Variants in FGL1 observed in about 807,000 individuals in gnomAD.
FGL1 encodes the protein fibrinogen-like protein 1.
FGL1 carries 59 observed loss-of-function variants against 43.7 expected under a neutral mutation model. That is an observed-to-expected ratio of 1.35 (90% CI 1.10 to 1.68). FGL1 has a LOEUF of 1.68. Ranked by LOEUF, FGL1 falls within the 40% of genes most tolerant of loss-of-function variation. The probability of loss-of-function intolerance (pLI) is 0.00; values close to 1 mark genes in which losing one functional copy is unlikely to be tolerated. For synonymous variants in FGL1, 192 were observed against 126.5 expected, an observed-to-expected ratio of 1.52 and a Z score of -3.48; for missense variants, 596 against 373.0, an observed-to-expected ratio of 1.60 and a Z score of -4.92.
At chr8:17,892,358 T>C (rs1259228600) in intron 1 of FGL1, among the ~76,000 whole-genome samples, 2 of 151,940 alleles carry the variant, frequency 1.3e-5, no homozygotes, top group Admixed American at 1.3e-4. Context: ...ATTTAAAAAA[T>C]ATAAAGAGAT....
chr8:17,877,211 G>A (rs1389319494), intron 3 of FGL1, among the ~76,000 whole-genome samples: 1 of 152,080 alleles, frequency 6.6e-6, no homozygotes, highest in Non-Finnish European at 1.5e-5. Context: ...CAAGGTTAAA[G>A]AGCTTTGTGT....
intron 3 of FGL1, among the ~76,000 whole-genome samples, chr8:17,880,293 A>G (rs34644942): frequency 0.01 from 1,531 of 152,258 alleles, 25 homozygotes; most frequent in African/African-American, 0.035. Flanking sequence ...TCTTGGTAGA[A>G]AAAAAGGGAG....
chr8:17,866,275 G>T (rs1205470344), intron 7 of FGL1, among the ~76,000 whole-genome samples: 1 of 152,134 alleles, frequency 6.6e-6, no homozygotes, highest in African/African-American at 2.4e-5. Context: ...GTGAAGAAGT[G>T]GCTGTGAACA....
chr8:17,884,087 C>T (rs747721037), intron 2 of FGL1, among the ~76,000 whole-genome samples: 23 of 136,966 alleles, frequency 1.7e-4, no homozygotes, highest in Non-Finnish European at 2.2e-4. Flanking sequence ...CTCCTTCCCT[C>T]CCTCCCTCCC....
intron 1 of FGL1, among the ~76,000 whole-genome samples, chr8:17,894,834 T>A (rs2053752515): frequency 6.8e-6 from 1 of 146,356 alleles, no homozygotes; most frequent in South Asian, 2.1e-4. Flanking sequence ...CATATAATTT[T>A]ACCTGCGCAC....
chr8:17,874,978 A>T (rs1026910829), intron 3 of FGL1, among the ~76,000 whole-genome samples: 1 of 152,110 alleles, frequency 6.6e-6, no homozygotes, highest in Admixed American at 6.6e-5. Context: ...AAAACAAGTT[A>T]TGAGTAGTCT....
rs1563452393 is a variant in FGL1, at chr8:17,875,539, T to TCTCTCTCTCTC, written c.245-1019_245-1018insGAGAGAGAGAG. Among the ~76,000 whole-genome samples, 14 of 14,658 alleles carry TCTCTCTCTCTC rather than the reference T, an allele frequency of 9.6e-4. 4 individuals are homozygous for TCTCTCTCTCTC. Among genetic ancestry groups the TCTCTCTCTCTC allele is most frequent in the African/African-American group, 2.7e-3 (14 of 5,126 alleles). The allele number at this position is 14,658 out of a possible 152,430, so 9.6% of individuals were successfully genotyped here. ...TCTTTCTTTCTTTCTTTCTTTCTCT[T>TCTCTCTCTCTC]TCTTTCTTTCTTTCTTTCTTTCTTT... On this transcript the variant is annotated intron_variant, in intron 3 of 7. Coordinates refer to ENST00000427924, the MANE Select transcript of FGL1 (RefSeq NM_004467.4).
At chr8:17,865,473 G>A (rs1002732624) in intron 7 of FGL1, among the ~76,000 whole-genome samples, 9 of 151,940 alleles carry the variant, frequency 5.9e-5, no homozygotes, top group African/African-American at 1.2e-4. Context: ...CAATCTCAAG[G>A]GTAAGCAAAC....
In FGL1 at chr8:17,881,547, G is replaced by A. The variant is rs189003921; in HGVS notation, c.244+452C>T. ...CCTGGCAGAGATAGAAAAAAGTAAA[G>A]TGTCGGCTGGGCACGGTGGCTCACG... On this transcript the variant is annotated intron_variant, in intron 3 of 7. Transcript: ENST00000427924. Among the ~76,000 whole-genome samples the A allele has an allele frequency of 3.3e-5, 5 of 151,688 alleles. No homozygotes were observed. The South Asian group carries it at 1.0e-3, about 32-fold the overall frequency.
intron 2 of FGL1, among the ~76,000 whole-genome samples, chr8:17,884,649 A>G (rs1316444128): frequency 6.6e-6 from 1 of 152,196 alleles, no homozygotes; most frequent in Non-Finnish European, 1.5e-5. Flanking sequence ...GAGTTGTTTT[A>G]CAACAGTGGG....
At position 17,868,733 on chromosome 8, in the gene FGL1, A is replaced by C; in HGVS notation, c.594T>G (p.Asn198Lys). 5 of 1,608,278 alleles carry C rather than the reference A, an allele frequency of 3.1e-6. No individual in the cohort carries two copies. The highest frequency in any genetic ancestry group is 4.2e-6 in the Non-Finnish European group (5 of 1,177,424). ...ATTCCCCAATATTCAACTCGTAGAA[A>C]TTCTAAAGAAAAAGGGCATTTCTGC... ...YKNFKVGDEK[N>K]FYELNIGEYS... The change falls in exon 7 of 8, where the codon AAT becomes AAG. Residue 198 changes from asparagine to lysine, a missense_variant and splice_region_variant. Asn to Lys is a moderately conservative substitution (Grantham distance 94, BLOSUM62 0). Transcript: ENST00000427924.
chr8:17,872,694 G>A (rs2053382382), intron 5 of FGL1, among the ~76,000 whole-genome samples: 1 of 152,152 alleles, frequency 6.6e-6, no homozygotes, highest in African/African-American at 2.4e-5. Flanking sequence ...AGACTTGAGT[G>A]GGACTGATGA....
intron 7 of FGL1, among the ~76,000 whole-genome samples, chr8:17,865,619 C>T (rs80225735): frequency 0.014 from 2,096 of 152,236 alleles, 25 homozygotes; most frequent in Non-Finnish European, 0.023. Flanking sequence ...AAAAATGTTT[C>T]TTTCCTCCTT....
In FGL1 at chr8:17,882,187, A is replaced by G. The variant is rs2053547514; in HGVS notation, c.64-8T>C. ...GGCACAGTCCTCGAGCGCCTGCAAA[A>G]CAGGTGAGATGAGATGAGTATGCAC... is the stretch of plus-strand genomic sequence containing the variant. On this transcript the variant is annotated splice_region_variant and splice_polypyrimidine_tract_variant and intron_variant, in intron 2 of 7. Coordinates refer to ENST00000427924, the MANE Select transcript of FGL1 (RefSeq NM_004467.4). The G allele has an allele frequency of 1.2e-6, 2 of 1,611,544 alleles. No individual in the cohort carries two copies.
chr8:17,883,499 A>G (rs2053581279), intron 2 of FGL1, among the ~76,000 whole-genome samples: 1 of 127,854 alleles, frequency 7.8e-6, no homozygotes, highest in South Asian at 2.3e-4. Flanking sequence ...TATATTAAAT[A>G]TATTTATATA....
chr8:17,892,787 G>C (rs1232983943), intron 1 of FGL1, among the ~76,000 whole-genome samples: 1 of 152,120 alleles, frequency 6.6e-6, no homozygotes, highest in African/African-American at 2.4e-5. Context: ...TGAAATGTCT[G>C]TATCTTCTAG....
At chr8:17,891,146 C>T (rs913517567) in intron 1 of FGL1, 2 of 152,176 alleles carry the variant, frequency 1.3e-5, no homozygotes, top group African/African-American at 4.8e-5. Flanking sequence ...ATTATGTATA[C>T]TGCCCTAATG....
intron 3 of FGL1, among the ~76,000 whole-genome samples, chr8:17,878,606 G>C (rs1013238612): frequency 6.6e-6 from 1 of 152,096 alleles, no homozygotes; most frequent in Non-Finnish European, 1.5e-5. Context: ...TAATCCGCTA[G>C]CACCCAAATT....
chr8:17,864,814 C>A, intron 7 of FGL1, 63 bp from the exon 8 acceptor site: 2 of 1,286,728 alleles, frequency 1.6e-6, no homozygotes, highest in South Asian at 5.9e-5. Context: ...GTTCAGAATC[C>A]CTTTTATTTT....
Sources: allele counts gnomAD v4.1 joint callset (sites outside exome capture counted in the v4.1 genomes callset), GRCh38; gene constraint gnomAD v4.1.1; transcripts MANE v1.5; gene names NCBI Gene and HGNC (gene_info 2026-07-23, HGNC 2026-07-21).